Variants in PLXNB2 observed in about 807,000 individuals in gnomAD.
The protein encoded by PLXNB2 is plexin B2.
In PLXNB2, 85 loss-of-function variants were observed where a neutral mutation model predicts 202.6. The ratio of observed to expected loss-of-function variants is 0.42; its 90% CI spans 0.35 to 0.50. PLXNB2 has a LOEUF of 0.50. Among genes scored for constraint, PLXNB2 ranks in the 20% least tolerant of loss-of-function variants. PLXNB2 has a pLI of 0.02. For missense variants in PLXNB2, 2,063 were observed against 2,586.2 expected (o/e 0.80, Z 4.39); for synonymous variants, 1,239 against 1,137.6 (o/e 1.09, Z -1.79).
At chr22:50,283,241 C>T in intron 16 of PLXNB2, 55 bp from the exon 17 acceptor site, 1 of 1,603,600 alleles carries the variant, frequency 6.2e-7, no homozygotes, top group South Asian at 1.1e-5. Flanking sequence ...CGCCCTCGGT[C>T]CTGGGCTGGA....
At chr22:50,285,929 G>A in intron 10 of PLXNB2, 28 bp from the exon 11 acceptor site, 1 of 1,605,396 alleles carries the variant, frequency 6.2e-7, no homozygotes, top group South Asian at 1.1e-5. Context: ...GTCAGGTGCT[G>A]CCTGGGCACA....
intron 11 of PLXNB2, among the ~76,000 whole-genome samples, chr22:50,285,247 G>A (rs1232600393): frequency 1.2e-4 from 15 of 129,324 alleles, no homozygotes; most frequent in Non-Finnish European, 2.3e-4. Context: ...GTCACCGGCC[G>A]GCACCCCTCC....
At chr22:50,282,454 G>T in intron 18 of PLXNB2, 141 bp from the exon 19 acceptor site, 1 of 766,912 alleles carries the variant, frequency 1.3e-6, no homozygotes, top group Non-Finnish European at 1.9e-6. Flanking sequence ...AAGGGGCAAC[G>T]CGGTGGGACG....
rs556558382 is a variant in PLXNB2, at chr22:50,288,519, A to G, written c.1380+224T>C. On this transcript the variant is annotated intron_variant, in intron 5 of 36. Coordinates refer to ENST00000359337, the MANE Select transcript of PLXNB2 (RefSeq NM_012401.4). This position sits in a 1 kb window ranked among gnomAD's most constrained non-coding sequence, Gnocchi z 5.0. ...AGGGAGAGACATGGTTGAGACCACAAAGGACAAACAGAAGGAGCGGCAGAG... is the reference window on the plus strand; with the variant it reads ...AGGGAGAGACATGGTTGAGACCACAGAGGACAAACAGAAGGAGCGGCAGAG... 6.6e-6 allele frequency among the ~76,000 whole-genome samples: 1 copy of G among 152,138 alleles called. No homozygotes were observed. The highest frequency in any genetic ancestry group is 1.9e-4 in the East Asian group (1 of 5,154).
At chr22:50,300,327 G>A (rs932033742) in intron 1 of PLXNB2, 34 of 985,238 alleles carry the variant, frequency 3.5e-5, no homozygotes, top group African/African-American at 2.8e-4. Context: ...TAAGTCCTCC[G>A]AGCCGTGGAA....
At chr22:50,305,059 C>T (rs560346994) in intron 1 of PLXNB2, among the ~76,000 whole-genome samples, 41 of 152,350 alleles carry the variant, frequency 2.7e-4, no homozygotes, top group African/African-American at 9.6e-4. Context: ...GGCCTGGCAT[C>T]CAAGTGCCTG....
intron 1 of PLXNB2, among the ~76,000 whole-genome samples, chr22:50,298,871 C>G (rs2067467104): frequency 6.6e-6 from 1 of 152,230 alleles, no homozygotes; most frequent in Admixed American, 6.5e-5. Flanking sequence ...GTTTCGAACT[C>G]CTGAGCTCAG....
At position 50,294,771 on chromosome 22, in the gene PLXNB2, G is replaced by A. The variant is rs1161937181; in HGVS notation, c.-66C>T. On this transcript the variant is annotated 5_prime_UTR_variant, in exon 2 of 37. Coordinates refer to ENST00000359337, the MANE Select transcript of PLXNB2 (RefSeq NM_012401.4). Reference sequence around the variant, plus strand: ...TCAGTTTCTGCTCCAGGCCAGCATCGAGATTCTCTAGGAGGCAAAGGAGAG... The same window carrying A: ...TCAGTTTCTGCTCCAGGCCAGCATCAAGATTCTCTAGGAGGCAAAGGAGAG... 25 of 985,350 alleles carry A rather than the reference G, an allele frequency of 2.5e-5. No homozygotes were observed. The highest frequency in any genetic ancestry group is 2.9e-5 in the Non-Finnish European group (24 of 829,968). The allele number at this position is 985,350 out of a possible 1,614,324, so 61.0% of individuals were successfully genotyped here.
rs373745510 is a variant in PLXNB2, at chr22:50,275,976, G to A, written c.5338-13C>T. ...AGTCCGTGTGCGCCTGGGGGGTGACGGGACAGTCAGGGTGGAAAAGGGGCT... is the reference window on the plus strand; with the variant it reads ...AGTCCGTGTGCGCCTGGGGGGTGACAGGACAGTCAGGGTGGAAAAGGGGCT... On this transcript the variant is annotated splice_polypyrimidine_tract_variant and intron_variant, in intron 35 of 36. Transcript: ENST00000359337. 2.0e-4 allele frequency: 327 copies of A among 1,611,484 alleles called. 1 individual carries two copies. The highest frequency in any genetic ancestry group is 6.6e-4 in the Middle Eastern group (4 of 6,080).
At chr22:50,285,711 T>C in intron 11 of PLXNB2, 89 bp downstream of exon 11, 1 of 796,954 alleles carries the variant, frequency 1.3e-6, no homozygotes, top group Non-Finnish European at 2.1e-6. Context: ...CACCCCTCCC[T>C]CCGTACCTGA....
intron 24 of PLXNB2, 30 bp downstream of exon 24, chr22:50,280,714 G>GGGCCACC: frequency 6.5e-7 from 1 of 1,528,952 alleles, no homozygotes; most frequent in Non-Finnish European, 8.9e-7. Flanking sequence ...CCACCTGTGT[G>GGGCCACC]CCCTCCCGCC....
intron 16 of PLXNB2, 47 bp downstream of exon 16, chr22:50,283,290 C>T (rs754290220): frequency 3.7e-6 from 6 of 1,607,652 alleles, no homozygotes; most frequent in Non-Finnish European, 4.3e-6. Context: ...AGAGCCCCTC[C>T]TCCCGGTCCT....
At chr22:50,292,206 C>T (rs1190653960) in intron 2 of PLXNB2, among the ~76,000 whole-genome samples, 1 of 151,998 alleles carries the variant, frequency 6.6e-6, no homozygotes, top group East Asian at 1.9e-4. Flanking sequence ...AGCGTGCTGG[C>T]ACCCGCCTGT....
In PLXNB2 at chr22:50,289,052, G is replaced by C. The variant is rs747712044; in HGVS notation, c.1159C>G (p.Arg387Gly). The C allele has an allele frequency of 1.2e-6, 2 of 1,608,090 alleles. No individual in the cohort carries two copies. The highest frequency in any genetic ancestry group is 1.7e-4 in the Middle Eastern group (1 of 6,054). The change falls in exon 4 of 37, where the codon CGT becomes GGT. Residue 387 changes from arginine (R) to glycine (G), a missense_variant. By Grantham distance (125) the Arg-to-Gly change is moderately radical. Transcript: ENST00000359337. The surrounding 1 kb of genome is among the most constrained non-coding windows in gnomAD (Gnocchi z 8.0). ...ACGGCCGTGAGGTTCAGGCCTCCAC[G>C]CTGCAGCACGGCTGTGCCTCTGAGC... The part of the protein sequence containing the change: ...DGLRGTAVLQ[R>G]GGLNLTAVTV...
intron 26 of PLXNB2, 112 bp from the exon 27 acceptor site, chr22:50,279,888 G>C: frequency 3.5e-6 from 5 of 1,446,780 alleles, no homozygotes; most frequent in Non-Finnish European, 4.8e-6. Context: ...GGGGCAGGAA[G>C]CAAACCTGTC....
At chr22:50,277,377 A>C (rs753500350) in intron 33 of PLXNB2, among the ~76,000 whole-genome samples, 7 of 151,862 alleles carry the variant, frequency 4.6e-5, no homozygotes, top group Non-Finnish European at 1.0e-4. Flanking sequence ...CTGTGGTGAG[A>C]GGTCTCAGGA....
Position 50,288,680 on chromosome 22 carries a change from C to T in PLXNB2, c.1380+63G>A, listed in dbSNP as rs1255192854. 3 of 1,597,074 alleles carry T rather than the reference C, an allele frequency of 1.9e-6. No homozygotes were observed. The highest frequency in any genetic ancestry group is 2.6e-6 in the Non-Finnish European group (3 of 1,172,060). Reference sequence around the variant, plus strand: ...CTGGCCCCCAGGCCTGTCCTAAGGGCCTGGGATGCAATGACCGGGCACACT... The same window carrying T: ...CTGGCCCCCAGGCCTGTCCTAAGGGTCTGGGATGCAATGACCGGGCACACT... On this transcript the variant is annotated intron_variant, in intron 5 of 36. Coordinates refer to ENST00000359337, the MANE Select transcript of PLXNB2 (RefSeq NM_012401.4). This position sits in a 1 kb window ranked among gnomAD's most constrained non-coding sequence, Gnocchi z 5.0.
intron 1 of PLXNB2, among the ~76,000 whole-genome samples, chr22:50,300,095 G>T (rs1009097350): frequency 6.6e-6 from 1 of 152,028 alleles, no homozygotes; most frequent in Admixed American, 6.5e-5. Context: ...CGGGGACTCC[G>T]GCGCCCCGTC....
chr22:50,290,712 C>G (rs1233395704), intron 2 of PLXNB2, 115 bp from the exon 3 acceptor site: 2 of 1,135,128 alleles, frequency 1.8e-6, no homozygotes, highest in Non-Finnish European at 2.4e-6. Flanking sequence ...CGCCACTCCA[C>G]GAACTGAGGA....
Sources: allele counts gnomAD v4.1 joint callset (sites outside exome capture counted in the v4.1 genomes callset), GRCh38; gene constraint gnomAD v4.1.1; non-coding constraint Gnocchi (gnomAD v3.1); transcripts MANE v1.5; gene names NCBI Gene and HGNC (gene_info 2026-07-23, HGNC 2026-07-21).